Variants in NRXN1 observed in about 807,000 individuals in gnomAD.
NRXN1 encodes the protein neurexin 1.
A neutral mutation model predicts 150.9 loss-of-function variants in NRXN1; 39 were observed. The ratio of observed to expected loss-of-function variants is 0.26; its 90% CI spans 0.20 to 0.34. The LOEUF is 0.34. NRXN1 is among the 10% of genes least tolerant of loss of function. The pLI, the probability that NRXN1 is intolerant of heterozygous loss-of-function variation, is 1.00. For missense variants in NRXN1, 1,815 were observed against 1,949.9 expected, an observed-to-expected ratio of 0.93 and a Z score of 1.30; for synonymous variants, 924 against 757.0, an observed-to-expected ratio of 1.22 and a Z score of -3.62.
chr2:50,314,587 C>T (rs988382509), intron 17 of NRXN1, among the ~76,000 whole-genome samples: 1 of 150,102 alleles, frequency 6.7e-6, no homozygotes, highest in East Asian at 2.0e-4. Context: ...TTTTTAAATG[C>T]CATTGTTTGG....
chr2:50,886,422 T>C (rs1228876329), intron 5 of NRXN1, among the ~76,000 whole-genome samples: 2 of 151,416 alleles, frequency 1.3e-5, no homozygotes, highest in Non-Finnish European at 3.0e-5. Flanking sequence ...TATATAATAT[T>C]GTGGTTTCTA....
intron 17 of NRXN1, among the ~76,000 whole-genome samples, chr2:50,423,371 G>A (rs1372274938): frequency 6.6e-6 from 1 of 152,102 alleles, no homozygotes; most frequent in Non-Finnish European, 1.5e-5. Flanking sequence ...TACCTTGCCT[G>A]ACTTTTCCCA....
chr2:50,180,226 T>G (rs745694939), intron 18 of NRXN1, among the ~76,000 whole-genome samples: 1 of 152,004 alleles, frequency 6.6e-6, no homozygotes, highest in Non-Finnish European at 1.5e-5. Context: ...GGTCTTGCTG[T>G]GCTGCCCAGG....
chr2:50,443,062 T>C (rs1051524373), intron 17 of NRXN1, among the ~76,000 whole-genome samples: 3 of 152,146 alleles, frequency 2.0e-5, no homozygotes, highest in African/African-American at 7.2e-5. Flanking sequence ...TTAGGTTTTA[T>C]TCATAATTGA....
At chr2:49,931,866 T>C (rs11125278) in intron 22 of NRXN1, among the ~76,000 whole-genome samples, 32,225 of 152,040 alleles carry the variant, frequency 0.21, 3,622 homozygotes, top group East Asian at 0.3. Context: ...CAAAAATATA[T>C]ACATCCAGAA....
intron 18 of NRXN1, among the ~76,000 whole-genome samples, chr2:50,215,276 A>G (rs1300509216): frequency 6.6e-6 from 1 of 152,034 alleles, no homozygotes; most frequent in Non-Finnish European, 1.5e-5. Context: ...CTGAAGGTAA[A>G]GAATGTTACA....
intron 5 of NRXN1, among the ~76,000 whole-genome samples, chr2:50,756,195 A>G (rs1701140976): frequency 6.6e-6 from 1 of 151,680 alleles, no homozygotes; most frequent in Admixed American, 6.6e-5. Context: ...TAGCAATGAG[A>G]GAATGGAGGC....
intron 17 of NRXN1, among the ~76,000 whole-genome samples, chr2:50,426,671 GA>G (rs2084522541): frequency 6.6e-6 from 1 of 152,068 alleles, no homozygotes; most frequent in Non-Finnish European, 1.5e-5. Flanking sequence ...TTCCCTGAGG[GA>G]TGCAGTTATT....
chr2:50,043,248 A>G (rs1272297543), intron 21 of NRXN1, among the ~76,000 whole-genome samples: 2 of 152,154 alleles, frequency 1.3e-5, no homozygotes, highest in African/African-American at 4.8e-5. Flanking sequence ...TCCAGTCACA[A>G]AAATGTCTGA....
intron 2 of NRXN1, among the ~76,000 whole-genome samples, chr2:50,932,670 C>T (rs999866945): frequency 5.3e-5 from 8 of 151,946 alleles, no homozygotes; most frequent in African/African-American, 1.9e-4. Context: ...TCTCAGAAAT[C>T]GCCACTAAAG....
chr2:50,224,693 AAGAGAGAG>A (rs201700032), intron 18 of NRXN1, among the ~76,000 whole-genome samples: 1,605 of 130,462 alleles, frequency 0.012, 17 homozygotes, highest in African/African-American at 0.031. Context: ...GAGAGGGAGA[AAGAGAGAG>A]AGAGAGAGAG....
At chr2:50,369,696 T>G (rs542085817) in intron 17 of NRXN1, among the ~76,000 whole-genome samples, 3 of 152,008 alleles carry the variant, frequency 2.0e-5, no homozygotes, top group African/African-American at 7.2e-5. Context: ...GGCATCTTTA[T>G]AGTAAGTGAT....
intron 21 of NRXN1, among the ~76,000 whole-genome samples, chr2:49,967,829 T>G (rs1435863689): frequency 6.6e-6 from 1 of 152,044 alleles, no homozygotes; most frequent in Non-Finnish European, 1.5e-5. Flanking sequence ...GTGGATGTCT[T>G]AAGAAGTGTC....
chr2:50,161,990 G>T (rs2059391044), intron 18 of NRXN1, among the ~76,000 whole-genome samples: 1 of 152,122 alleles, frequency 6.6e-6, no homozygotes, highest in Non-Finnish European at 1.5e-5. Context: ...AGTCATTGTA[G>T]CGAAAGAGTA....
intron 18 of NRXN1, among the ~76,000 whole-genome samples, chr2:50,230,780 G>C (rs1221833837): frequency 6.6e-6 from 1 of 152,008 alleles, no homozygotes; most frequent in African/African-American, 2.4e-5. Flanking sequence ...TAACTTCCAA[G>C]GGAAAAGGAT....
At chr2:51,025,100 T>A (rs1670222943) in intron 2 of NRXN1, among the ~76,000 whole-genome samples, 1 of 152,156 alleles carries the variant, frequency 6.6e-6, no homozygotes, top group African/African-American at 2.4e-5. Context: ...TGACTCTGCC[T>A]TTATCACTCC....
At chr2:50,487,194 G>C (rs114152002) in intron 15 of NRXN1, among the ~76,000 whole-genome samples, 1,803 of 152,254 alleles carry the variant, frequency 0.012, 34 homozygotes, top group African/African-American at 0.041. Flanking sequence ...GGATGATGGT[G>C]ATGATGATGG....
intron 18 of NRXN1, among the ~76,000 whole-genome samples, chr2:50,172,090 A>T (rs183916165): frequency 3.3e-5 from 5 of 152,322 alleles, no homozygotes; most frequent in African/African-American, 1.2e-4. Flanking sequence ...GGCTCCTAAA[A>T]AAAACCTTTC....
At chr2:51,012,231 A>T (rs567307584) in intron 2 of NRXN1, among the ~76,000 whole-genome samples, 30 of 152,064 alleles carry the variant, frequency 2.0e-4, no homozygotes, top group Middle Eastern at 3.4e-3. Flanking sequence ...TCTTTTTTTA[A>T]AAAAACTTAG....
Sources: allele counts gnomAD v4.1 joint callset (sites outside exome capture counted in the v4.1 genomes callset), GRCh38; gene constraint gnomAD v4.1.1; transcripts MANE v1.5; gene names NCBI Gene and HGNC (gene_info 2026-07-23, HGNC 2026-07-21).